DNAH5: variants seen among roughly 807,000 people sequenced by gnomAD.
DNAH5 encodes axonemal beta dynein heavy chain 5.
In DNAH5, 372 loss-of-function variants were observed where a neutral mutation model predicts 518.2. The ratio of observed to expected loss-of-function variants is 0.72; its 90% confidence interval spans 0.66 to 0.78. The LOEUF (loss-of-function observed/expected upper bound fraction) is 0.78. Among genes scored for constraint, DNAH5 ranks in the 30% least tolerant of loss-of-function variants. The pLI, the probability that DNAH5 is intolerant of heterozygous loss-of-function variation, is 0.00. For missense variants in DNAH5, 5,523 were observed against 5,687.0 expected (o/e 0.97, Z 0.93); for synonymous variants, 2,039 against 2,025.9 (o/e 1.01, Z -0.17).
Position 13,691,973 on chromosome 5 carries a change from C to T in DNAH5, c.*11G>A. ...TTTTCCAAAGCATTGGGTGGGGACA[C>T]TCCCCACATGTTACTTGACATCACA... On this transcript the variant is annotated 3_prime_UTR_variant, in exon 79 of 79. Coordinates refer to ENST00000265104, the MANE Select transcript of DNAH5 (RefSeq NM_001369.3). The T allele has an allele frequency of 1.2e-6, 2 of 1,613,994 alleles. No homozygotes were observed. The highest frequency in any genetic ancestry group is 4.5e-5 in the East Asian group (2 of 44,862).
At position 13,771,212 on chromosome 5, in the gene DNAH5, T is replaced by C. The variant is rs140078873; in HGVS notation, c.9374-232A>G. On this transcript the variant is annotated intron_variant, in intron 55 of 78. Coordinates refer to ENST00000265104, the MANE Select transcript of DNAH5 (RefSeq NM_001369.3). ...ACACTTTAAGCCTATCAACACTCTT[T>C]GTTGCCTGGTGCTTGTGCAGAGACA... The C allele has an allele frequency of 8.7e-4, 456 of 523,306 alleles. 2 individuals are homozygous for C. The East Asian group carries it at 0.014, about 17-fold the overall frequency. 32.4% of individuals were successfully genotyped at this position (523,306 alleles called of 1,614,324 possible).
chr5:13,769,791 A>G (rs1002066865), intron 56 of DNAH5, among the ~76,000 whole-genome samples, 176 bp from the exon 57 acceptor site: 2 of 152,252 alleles, frequency 1.3e-5, no homozygotes, highest in African/African-American at 4.8e-5. Flanking sequence ...CTCTAGACTG[A>G]TAACATGTAT....
rs1202811844 is a variant in DNAH5 at position 13,898,342 on chromosome 5, A to G, written c.2259+1864T>C. The G allele has an allele frequency of 7.8e-6, 3 of 382,310 alleles. No homozygotes were observed. The Admixed American group carries it at 1.3e-4, about 17-fold the overall frequency. The allele number at this position is 382,310 out of a possible 1,614,324, so 23.7% of individuals were successfully genotyped here. ...AAATTATCAGTAATTCCATAATCTTATAATTATAGTTTCTTAGTAAAAATA... is the reference window on the plus strand; with the variant it reads ...AAATTATCAGTAATTCCATAATCTTGTAATTATAGTTTCTTAGTAAAAATA... On this transcript the variant is annotated intron_variant, in intron 15 of 78. Transcript: ENST00000265104.
chr5:13,771,468 G>T (rs1180086387), intron 55 of DNAH5, among the ~76,000 whole-genome samples: 1 of 152,180 alleles, frequency 6.6e-6, no homozygotes, highest in Non-Finnish European at 1.5e-5. Flanking sequence ...GAGTCATCTT[G>T]TTCTTAAATG....
At chr5:13,832,208 A>G (rs1172833614) in intron 35 of DNAH5, among the ~76,000 whole-genome samples, 1 of 152,250 alleles carries the variant, frequency 6.6e-6, no homozygotes, top group East Asian at 1.9e-4. Context: ...CATCTCCATC[A>G]ACTCTGATCA....
At chr5:13,914,783 G>A (rs1776443904) in intron 9 of DNAH5, 141 bp from the exon 10 acceptor site, 3 of 810,490 alleles carry the variant, frequency 3.7e-6, no homozygotes, top group Non-Finnish European at 5.9e-6. Context: ...TTCCATCACA[G>A]TTATAATCCA....
chr5:13,942,938 T>A (rs768229770), intron 1 of DNAH5, among the ~76,000 whole-genome samples: 2 of 152,154 alleles, frequency 1.3e-5, no homozygotes, highest in Non-Finnish European at 2.9e-5. Flanking sequence ...TTTAACACAG[T>A]GCACTAAGTA....
Position 13,721,210 on chromosome 5 carries a change from T to C in DNAH5, c.12069A>G (p.Lys4023=). Residue 4023 remains lysine, a synonymous_variant, in exon 71 of 79, where the codon AAA becomes AAG. Transcript: ENST00000265104. The part of the protein sequence containing the change: ...RKYIVDSMGE[K]YAEGVILDLE... ...AGTCTAAAATAACACCTTCGGCATATTTTTCTCCCATGGAGTCCACGATGT... is the reference window on the plus strand; with the variant it reads ...AGTCTAAAATAACACCTTCGGCATACTTTTCTCCCATGGAGTCCACGATGT... 6.2e-7 allele frequency: 1 copy of C among 1,614,124 alleles called. No homozygotes were observed. Among genetic ancestry groups the C allele is most frequent in the Non-Finnish European group, 8.5e-7 (1 of 1,179,972 alleles).
At chr5:13,775,327 G>C (rs1753928828) in intron 55 of DNAH5, among the ~76,000 whole-genome samples, 1 of 151,894 alleles carries the variant, frequency 6.6e-6, no homozygotes, top group Non-Finnish European at 1.5e-5. Context: ...CAATAGTGAA[G>C]CGCTGAGAAT....
chr5:13,855,441 C>T lies in DNAH5; in HGVS notation c.4950+4011G>A, dbSNP rs1382142461. Among the ~76,000 whole-genome samples the T allele has an allele frequency of 1.2e-4, 6 of 49,788 alleles. 2 individuals carry two copies. Among genetic ancestry groups the T allele is most frequent in the Admixed American group, 3.3e-4 (2 of 6,038 alleles). 32.7% of individuals were successfully genotyped at this position (49,788 alleles called of 152,430 possible). On this transcript the variant is annotated intron_variant, in intron 30 of 78. Coordinates refer to ENST00000265104, the MANE Select transcript of DNAH5 (RefSeq NM_001369.3). ...GCCGGGATGGTCTCGATCTCCTGAC[C>T]TCGTGATCCGCCCGCCTCGGCCTCC... is the stretch of plus-strand genomic sequence containing the variant.
At chr5:13,855,469 A>G (rs1767497900) in intron 30 of DNAH5, among the ~76,000 whole-genome samples, 1 of 148,240 alleles carries the variant, frequency 6.7e-6, no homozygotes, top group African/African-American at 2.5e-5. Flanking sequence ...CGGCCTCCCA[A>G]AGTGCTGGGA....
chr5:13,852,066 G>T (rs1426069531), intron 30 of DNAH5, among the ~76,000 whole-genome samples: 1 of 148,990 alleles, frequency 6.7e-6, no homozygotes, highest in East Asian at 2.0e-4. Flanking sequence ...TTCCCCATCT[G>T]CAGACCAGGA....
chr5:13,824,055 T>C, intron 39 of DNAH5, 144 bp downstream of exon 39: 1 of 860,072 alleles, frequency 1.2e-6, no homozygotes, highest in Non-Finnish European at 1.9e-6. Flanking sequence ...AAAAGTATAA[T>C]TTAAAGTGAT....
intron 65 of DNAH5, 118 bp downstream of exon 65, chr5:13,750,960 A>C: frequency 8.6e-7 from 1 of 1,166,436 alleles, no homozygotes; most frequent in Non-Finnish European, 1.2e-6. Flanking sequence ...AATGGAAAAA[A>C]ACACAGGGAA....
intron 1 of DNAH5, among the ~76,000 whole-genome samples, chr5:13,941,787 T>C (rs1447548747): frequency 6.6e-6 from 1 of 152,184 alleles, no homozygotes; most frequent in Non-Finnish European, 1.5e-5. Context: ...CAGAAACACA[T>C]ACAGCACAAA....
intron 32 of DNAH5, among the ~76,000 whole-genome samples, chr5:13,842,463 G>GAA (rs1765377814): frequency 1.9e-5 from 2 of 104,650 alleles, no homozygotes; most frequent in African/African-American, 4.0e-5. Flanking sequence ...AAGAAAGAAA[G>GAA]AAAGAAAGAA....
intron 1 of DNAH5, among the ~76,000 whole-genome samples, chr5:13,957,273 T>G (rs1388606039): frequency 6.6e-6 from 1 of 152,216 alleles, no homozygotes; most frequent in Non-Finnish European, 1.5e-5. Context: ...ATCCAGTGGC[T>G]GAAAGTATAA....
intron 11 of DNAH5, among the ~76,000 whole-genome samples, chr5:13,912,151 C>T (rs962475485): frequency 6.6e-6 from 1 of 152,098 alleles, no homozygotes; most frequent in Admixed American, 6.6e-5. Context: ...TAATGCTCTG[C>T]GATTCTTCTT....
In DNAH5 at chr5:13,977,658, C is replaced by T. The variant is rs374000042; in HGVS notation, c.12+33990G>A. 2.6e-5 allele frequency among the ~76,000 whole-genome samples: 4 copies of T among 152,172 alleles called. No homozygotes were observed. The South Asian group carries it at 6.2e-4, about 24-fold the overall frequency. The stretch of plus-strand genomic sequence containing the variant: ...AGACTAGCAACTCCAATTTCTCCGT[C>T]GAAGGCGGAGGAAATTTTCCAAGAT... On this transcript the variant is annotated intron_variant, in intron 1 of 78. Coordinates refer to the DNAH5 transcript ENST00000681290.
Sources: gnomAD v4.1 joint callset for allele counts (sites outside exome capture counted in the v4.1 genomes callset) on GRCh38, gnomAD v4.1.1 for gene constraint, MANE v1.5 for transcripts, NCBI Gene and HGNC (gene_info 2026-07-23, HGNC 2026-07-21) for gene names.